UNC5C: variants seen among roughly 807,000 people sequenced by gnomAD.
The protein encoded by UNC5C is unc-5 netrin receptor C.
UNC5C carries 47 observed loss-of-function variants against 99.8 expected under a neutral mutation model. The observed-to-expected ratio is 0.47, with a 90% CI of 0.37 to 0.60. The LOEUF is 0.60. UNC5C is among the 20% of genes least tolerant of loss of function. The probability of loss-of-function intolerance (pLI) is 0.00; values close to 1 mark genes in which losing one functional copy is unlikely to be tolerated. For synonymous variants in UNC5C, 487 were observed against 452.2 expected, an observed-to-expected ratio of 1.08 and a Z score of -0.98; for missense variants, 1,062 against 1,165.9, an observed-to-expected ratio of 0.91 and a Z score of 1.30.
At chr4:95,346,850 T>C (rs754517009) in intron 1 of UNC5C, among the ~76,000 whole-genome samples, 7 of 151,828 alleles carry the variant, frequency 4.6e-5, no homozygotes, top group Non-Finnish European at 1.0e-4. Context: ...CTCTAAGATA[T>C]AGAAAACAAC....
chr4:95,285,125 ATATT>A (rs1307336108), intron 3 of UNC5C, among the ~76,000 whole-genome samples: 1 of 152,214 alleles, frequency 6.6e-6, no homozygotes, highest in African/African-American at 2.4e-5. Flanking sequence ...CATTTATTAA[ATATT>A]TATTATCTCA....
chr4:95,206,937 G>C (rs1737901887), intron 10 of UNC5C, 141 bp from the exon 11 acceptor site: 2 of 667,842 alleles, frequency 3.0e-6, no homozygotes, highest in Non-Finnish European at 4.6e-6. Flanking sequence ...GTTGGGGAGA[G>C]GAAATAGGTG....
chr4:95,178,147 G>T (rs1336060554), intron 14 of UNC5C, among the ~76,000 whole-genome samples: 2 of 152,220 alleles, frequency 1.3e-5, no homozygotes, highest in African/African-American at 2.4e-5. Flanking sequence ...ATCTCAGGTT[G>T]CCCCGTCCTT....
intron 1 of UNC5C, among the ~76,000 whole-genome samples, chr4:95,540,083 A>G (rs1017305523): frequency 1.3e-5 from 2 of 152,192 alleles, no homozygotes; most frequent in South Asian, 4.1e-4. Context: ...GCATTTTATA[A>G]AACCCCTGGA....
At chr4:95,264,916 A>C (rs747068851) in intron 4 of UNC5C, among the ~76,000 whole-genome samples, 7 of 152,168 alleles carry the variant, frequency 4.6e-5, no homozygotes, top group Non-Finnish European at 1.5e-5. Context: ...TATAACATCC[A>C]GCATTTTCAT....
At chr4:95,276,735 G>T (rs953601302) in intron 4 of UNC5C, among the ~76,000 whole-genome samples, 2 of 152,152 alleles carry the variant, frequency 1.3e-5, no homozygotes, top group Non-Finnish European at 2.9e-5. Context: ...ATCATACTGT[G>T]TCTTAGTGCT....
Position 95,202,923 on chromosome 4 carries a change from G to A in UNC5C, c.1944C>T (p.Cys648=). ...AGGCCTCTGCATCCAGCTGAATGTAGCAGGGGGTGGTGAAGTTTTCCTCCC... is the reference window on the plus strand; with the variant it reads ...AGGCCTCTGCATCCAGCTGAATGTAACAGGGGGTGGTGAAGTTTTCCTCCC... The part of the protein sequence containing the change: ...VVGEENFTTP[C]YIQLDAEACH... Residue 648 remains cysteine, a synonymous_variant, in exon 12 of 16, where the codon TGC becomes TGT. Transcript: ENST00000453304. The A allele has an allele frequency of 6.2e-7, 1 of 1,614,210 alleles. No individual in the cohort carries two copies. The highest frequency in any genetic ancestry group is 8.5e-7 in the Non-Finnish European group (1 of 1,180,038).
At chr4:95,479,809 A>C (rs923941577) in intron 1 of UNC5C, among the ~76,000 whole-genome samples, 1 of 151,942 alleles carries the variant, frequency 6.6e-6, no homozygotes, top group Non-Finnish European at 1.5e-5. Context: ...ATTAAATGTT[A>C]TTACTGACAT....
chr4:95,279,906 C>T (rs1740992162), intron 3 of UNC5C, among the ~76,000 whole-genome samples: 1 of 152,106 alleles, frequency 6.6e-6, no homozygotes, highest in African/African-American at 2.4e-5. Context: ...TGTTCCACCT[C>T]AGATCATCAG....
chr4:95,428,417 T>C (rs1036898966), intron 1 of UNC5C, among the ~76,000 whole-genome samples: 1 of 152,206 alleles, frequency 6.6e-6, no homozygotes, highest in African/African-American at 2.4e-5. Flanking sequence ...ATGCATTTGA[T>C]ACACATTTTG....
intron 1 of UNC5C, among the ~76,000 whole-genome samples, chr4:95,490,152 G>T (rs941564368): frequency 1.3e-5 from 2 of 151,558 alleles, no homozygotes; most frequent in African/African-American, 2.4e-5. Flanking sequence ...AGGCAAAAGG[G>T]AAGCGGAACA....
chr4:95,412,401 A>G (rs765714351), intron 1 of UNC5C, among the ~76,000 whole-genome samples: 5 of 151,950 alleles, frequency 3.3e-5, no homozygotes, highest in Non-Finnish European at 5.9e-5. Flanking sequence ...TTCTTTTCTC[A>G]CACTTGATGG....
intron 1 of UNC5C, among the ~76,000 whole-genome samples, chr4:95,510,722 C>A (rs375229531): frequency 3.4e-4 from 52 of 152,170 alleles, no homozygotes; most frequent in African/African-American, 1.1e-3. Flanking sequence ...ATCTCTGACA[C>A]TGAAAATCAA....
chr4:95,504,013 C>T (rs904104868), intron 1 of UNC5C, among the ~76,000 whole-genome samples: 16 of 152,100 alleles, frequency 1.1e-4, no homozygotes, highest in Non-Finnish European at 2.1e-4. Context: ...ATTAATCAAT[C>T]ACCACTATGT....
intron 1 of UNC5C, among the ~76,000 whole-genome samples, chr4:95,495,783 T>C (rs184845049): frequency 2.3e-4 from 35 of 151,746 alleles, no homozygotes; most frequent in Admixed American, 2.2e-3. Context: ...TTTAAAATTA[T>C]GAAATTAGTG....
chr4:95,300,081 C>CCAACACAAAATAGAATTAGTAAAATG (rs1248278454), intron 3 of UNC5C, among the ~76,000 whole-genome samples: 3 of 152,184 alleles, frequency 2.0e-5, no homozygotes, highest in Non-Finnish European at 4.4e-5. Context: ...ATATTGGCAT[C>CCAACACAAAATAGAATTAGTAAAATG]CAACACAAAA....
chr4:95,233,505 A>T (rs892023112), intron 7 of UNC5C, among the ~76,000 whole-genome samples: 8 of 148,078 alleles, frequency 5.4e-5, no homozygotes, highest in Admixed American at 3.4e-4. Context: ...TATATATATA[A>T]ATTTGCATTT....
intron 1 of UNC5C, among the ~76,000 whole-genome samples, chr4:95,425,882 T>C (rs1324396598): frequency 1.3e-5 from 2 of 152,210 alleles, no homozygotes; most frequent in Non-Finnish European, 2.9e-5. Context: ...TTCTTCAGCT[T>C]CATGTTTTAA....
In UNC5C at chr4:95,164,283, T is replaced by G. The variant is rs1486268965; in HGVS notation, c.*4951A>C. 2 of 152,216 alleles carry G rather than the reference T, an allele frequency of 1.3e-5. No individual in the cohort carries two copies. The highest frequency in any genetic ancestry group is 2.4e-5 in the African/African-American group (1 of 41,456). 9.4% of individuals were successfully genotyped at this position (152,216 alleles called of 1,614,324 possible). A position where few individuals can be genotyped will look rare whatever the true frequency, so the allele number is the denominator to read the frequency against. On this transcript the variant is annotated 3_prime_UTR_variant, in exon 16 of 16. Transcript: ENST00000453304. Reference sequence around the variant, plus strand: ...TTGGCTTTCCTGGCCTGTATGGATATGGGTTTACATAACATTGGTTACAAT... The same window carrying G: ...TTGGCTTTCCTGGCCTGTATGGATAGGGGTTTACATAACATTGGTTACAAT...
Sources: allele counts gnomAD v4.1 joint callset (sites outside exome capture counted in the v4.1 genomes callset), GRCh38; gene constraint gnomAD v4.1.1; transcripts MANE v1.5; gene names NCBI Gene and HGNC (gene_info 2026-07-23, HGNC 2026-07-21).